Variants in CPXM2 observed in about 807,000 individuals in gnomAD.
CPXM2 encodes the protein carboxypeptidase X, M14 family member 2.
Under a neutral mutation model 86.1 loss-of-function variants are expected in CPXM2, and 66 were observed. That is an observed-to-expected ratio of 0.77 (90% CI 0.63 to 0.94). CPXM2 has a LOEUF of 0.94. Among genes scored for constraint, CPXM2 ranks in the 40% least tolerant of loss-of-function variants. CPXM2 has a pLI of 0.00. For synonymous variants in CPXM2, 388 were observed against 400.2 expected (o/e 0.97, Z 0.36); for missense variants, 948 against 1,026.3 (o/e 0.92, Z 1.04).
chr10:123,926,426 T>G (rs1368509538), intron 2 of CPXM2, among the ~76,000 whole-genome samples: 2 of 152,236 alleles, frequency 1.3e-5, no homozygotes, highest in Admixed American at 6.5e-5. Flanking sequence ...GAATCATCTG[T>G]GTGTCTCTCT....
chr10:123,802,619 A>G (rs1459777004), intron 4 of CPXM2, among the ~76,000 whole-genome samples: 5 of 152,304 alleles, frequency 3.3e-5, no homozygotes, highest in East Asian at 1.9e-4. Context: ...ACATTCCTGC[A>G]TGTATATTTT....
At chr10:123,814,894 G>A (rs111950153) in intron 4 of CPXM2, among the ~76,000 whole-genome samples, 4,861 of 152,140 alleles carry the variant, frequency 0.032, 258 homozygotes, top group African/African-American at 0.11. Flanking sequence ...GTGTGGTGGT[G>A]TACACCTGTA....
intron 2 of CPXM2, among the ~76,000 whole-genome samples, chr10:123,921,702 A>G (rs768712978): frequency 3.9e-5 from 6 of 152,266 alleles, no homozygotes; most frequent in Non-Finnish European, 5.9e-5. Context: ...CAGTGGACCT[A>G]CAGGGTAATA....
intron 2 of CPXM2, among the ~76,000 whole-genome samples, chr10:123,906,711 G>T (rs1945445235): frequency 6.6e-6 from 1 of 152,162 alleles, no homozygotes; most frequent in Non-Finnish European, 1.5e-5. Context: ...AAGATCTGGG[G>T]CCTTCCAAAG....
rs558369334 is a variant in CPXM2 at position 123,845,284 on chromosome 10, C to T, written c.514-2796G>A. Among the ~76,000 whole-genome samples, 21 of 151,410 alleles carry T rather than the reference C, an allele frequency of 1.4e-4. 1 individual carries two copies. The South Asian group carries it at 2.9e-3, about 21-fold the overall frequency. On this transcript the variant is annotated intron_variant, in intron 3 of 13. Transcript: ENST00000241305. Reference sequence around the variant, plus strand: ...ACATGTTCCAGCTCCTTCCCCCAACCAGCTATAGAACACCATGCAGTCAGG... The same window carrying T: ...ACATGTTCCAGCTCCTTCCCCCAACTAGCTATAGAACACCATGCAGTCAGG...
At chr10:123,829,629 G>A (rs1433555216) in intron 4 of CPXM2, among the ~76,000 whole-genome samples, 1 of 152,118 alleles carries the variant, frequency 6.6e-6, no homozygotes, top group East Asian at 1.9e-4. Context: ...TCCCCTAAAA[G>A]ATCAACAGAA....
At chr10:123,837,961 T>C (rs962593240) in intron 4 of CPXM2, among the ~76,000 whole-genome samples, 1 of 152,334 alleles carries the variant, frequency 6.6e-6, no homozygotes, top group South Asian at 2.1e-4. Context: ...CCATTTACCA[T>C]GGCATGCGCC....
At chr10:123,901,233 C>T (rs1218169224) in intron 2 of CPXM2, among the ~76,000 whole-genome samples, 1 of 152,132 alleles carries the variant, frequency 6.6e-6, no homozygotes, top group Non-Finnish European at 1.5e-5. Context: ...ATTACATCTA[C>T]CCTTAGGGGC....
chr10:123,836,613 A>G (rs1848286689), intron 4 of CPXM2, among the ~76,000 whole-genome samples: 1 of 152,204 alleles, frequency 6.6e-6, no homozygotes, highest in African/African-American at 2.4e-5. Context: ...TCTGTCCCTT[A>G]TCTCAATGCA....
At chr10:123,869,207 A>G (rs1489518662) in intron 2 of CPXM2, among the ~76,000 whole-genome samples, 1 of 152,218 alleles carries the variant, frequency 6.6e-6, no homozygotes, top group Non-Finnish European at 1.5e-5. Flanking sequence ...TAGGAAACTC[A>G]TTGGCAGCTC....
intron 6 of CPXM2, among the ~76,000 whole-genome samples, chr10:123,791,067 T>G (rs111790360): frequency 0.028 from 4,248 of 152,182 alleles, 200 homozygotes; most frequent in African/African-American, 0.096. Flanking sequence ...TCTTTGAGTC[T>G]GAGTATCGGT....
At chr10:123,786,116 C>T (rs1220890508) in intron 6 of CPXM2, among the ~76,000 whole-genome samples, 2 of 152,182 alleles carry the variant, frequency 1.3e-5, no homozygotes, top group African/African-American at 2.4e-5. Flanking sequence ...TTGGCCAATG[C>T]CCACTGATTT....
intron 4 of CPXM2, among the ~76,000 whole-genome samples, chr10:123,814,188 T>C (rs1046910634): frequency 2.0e-5 from 3 of 152,168 alleles, no homozygotes; most frequent in Non-Finnish European, 4.4e-5. Flanking sequence ...TGTGAGGGTA[T>C]TGCCAAAGGA....
Position 123,798,076 on chromosome 10 carries a change from G to C in CPXM2, c.789C>G (p.Pro263=), listed in dbSNP as rs141382056. 3 of 1,611,270 alleles carry C rather than the reference G, an allele frequency of 1.9e-6. No individual in the cohort carries two copies. Among genetic ancestry groups the C allele is most frequent in the Non-Finnish European group, 2.5e-6 (3 of 1,178,530 alleles). ...GGATGTAGCGGGCCACCATGGGGAC[G>C]GGTAGCTCATTGAGAACAGGGATCT... is the stretch of plus-strand genomic sequence containing the variant. ...EKEIPVLNEL[P]VPMVARYIRI... Residue 263 remains proline (P), a synonymous_variant, in exon 6 of 14, where the codon CCC becomes CCG. Transcript: ENST00000241305.
chr10:123,824,615 T>G (rs369340743), intron 4 of CPXM2, among the ~76,000 whole-genome samples: 22 of 152,298 alleles, frequency 1.4e-4, no homozygotes, highest in East Asian at 7.7e-4. Flanking sequence ...CAACCTGTAG[T>G]GCTGGATGGC....
chr10:123,864,869 C>A (rs953737435), intron 2 of CPXM2, among the ~76,000 whole-genome samples: 1 of 152,216 alleles, frequency 6.6e-6, no homozygotes, highest in South Asian at 2.1e-4. Flanking sequence ...TTTCTGTCGA[C>A]AGACAGAAGC....
chr10:123,918,007 G>A (rs1249942903), intron 2 of CPXM2, among the ~76,000 whole-genome samples: 1 of 152,206 alleles, frequency 6.6e-6, no homozygotes, highest in African/African-American at 2.4e-5. Context: ...TAGGGCAGGT[G>A]TGAGAGAGAG....
At chr10:123,792,751 C>G (rs1847234457) in intron 6 of CPXM2, among the ~76,000 whole-genome samples, 1 of 152,306 alleles carries the variant, frequency 6.6e-6, no homozygotes, top group Admixed American at 6.5e-5. Flanking sequence ...TATCCCCAGA[C>G]CTTCTGCAAT....
At chr10:123,772,431 T>C (rs1254143445) in intron 7 of CPXM2, among the ~76,000 whole-genome samples, 2 of 151,878 alleles carry the variant, frequency 1.3e-5, no homozygotes, top group Admixed American at 1.3e-4. Context: ...CTGGGTGTAG[T>C]TATCACCTCC....
Sources: allele counts gnomAD v4.1 joint callset (sites outside exome capture counted in the v4.1 genomes callset), GRCh38; gene constraint gnomAD v4.1.1; transcripts MANE v1.5; gene names NCBI Gene and HGNC (gene_info 2026-07-23, HGNC 2026-07-21).